The following SLC20A2 variants were observed in gnomAD, a reference collection of about 807,000 sequenced individuals.
SLC20A2 encodes the protein solute carrier family 20 member 2, also known as sodium-dependent phosphate transporter 2.
SLC20A2 carries 30 observed loss-of-function variants against 61.0 expected under a neutral mutation model. The observed-to-expected ratio is 0.49, with a 90% CI of 0.37 to 0.67. SLC20A2 has a LOEUF of 0.67. SLC20A2 is among the 30% of genes least tolerant of loss of function. The pLI, the probability that SLC20A2 is intolerant of heterozygous loss-of-function variation, is 0.00. For synonymous variants in SLC20A2, 351 were observed against 353.3 expected, an observed-to-expected ratio of 0.99 and a Z score of 0.07; for missense variants, 626 against 866.4, an observed-to-expected ratio of 0.72 and a Z score of 3.48.
rs1253260874 is a variant in SLC20A2, at chr8:42,533,654, C to CTTTTTTTCTTT, written c.-265+8166_-265+8167insAAAGAAAAAAA. ...TTAATGGCCTTAATGATCAACTGTTCTTTTTTTTTTTTTTTTTTTTTTGAG... is the reference window on the plus strand; with the variant it reads ...TTAATGGCCTTAATGATCAACTGTTCTTTTTTTCTTTTTTTTTTTTTTTTTTTTTTTTTGAG... On this transcript the variant is annotated intron_variant, in intron 1 of 10. Coordinates refer to the SLC20A2 transcript ENST00000342228. Among the ~76,000 whole-genome samples the CTTTTTTTCTTT allele has an allele frequency of 1.6e-3, 89 of 55,220 alleles. 13 individuals carry two copies. Among genetic ancestry groups the CTTTTTTTCTTT allele is most frequent in the East Asian group, 8.9e-3 (17 of 1,902 alleles). The allele number at this position is 55,220 out of a possible 152,430, so 36.2% of individuals were successfully genotyped here. A position where few individuals can be genotyped will look rare whatever the true frequency, so the allele number is the denominator to read the frequency against.
chr8:42,433,794 T>C (rs146044707), intron 8 of SLC20A2, among the ~76,000 whole-genome samples: 6 of 152,372 alleles, frequency 3.9e-5, no homozygotes, highest in African/African-American at 1.2e-4. Context: ...CTCTTGCCTA[T>C]TGCAAACGGC....
At chr8:42,438,563 A>T (rs1804526325) in intron 7 of SLC20A2, among the ~76,000 whole-genome samples, 1 of 152,202 alleles carries the variant, frequency 6.6e-6, no homozygotes, top group Non-Finnish European at 1.5e-5. Flanking sequence ...TCTCTGGGCC[A>T]CATCTGAGAC....
chr8:42,431,278 CT>C (rs964324736), intron 8 of SLC20A2, among the ~76,000 whole-genome samples: 1 of 152,132 alleles, frequency 6.6e-6, no homozygotes, highest in African/African-American at 2.4e-5. Flanking sequence ...AGCCTTAGTG[CT>C]GATATGGAGA....
intron 1 of SLC20A2, among the ~76,000 whole-genome samples, chr8:42,527,926 A>T (rs145645927): frequency 6.6e-6 from 1 of 152,318 alleles, no homozygotes; most frequent in Non-Finnish European, 1.5e-5. Flanking sequence ...ATGTGTCTAT[A>T]CACCAAAAAG....
In SLC20A2 at chr8:42,439,314, G is replaced by C. The variant is rs570399003; in HGVS notation, c.934+136C>G. ...GTTTCCTGAGGCCTCCCTAGCTTCT[G>C]GGTTTTCTCAAATTATAAAACTGGG... On this transcript the variant is annotated intron_variant, in intron 7 of 10. Transcript: ENST00000520262. The C allele has an allele frequency of 5.1e-6, 4 of 778,850 alleles. No homozygotes were observed. The South Asian group carries it at 5.6e-5, about 11-fold the overall frequency. 48.2% of individuals were successfully genotyped at this position (778,850 alleles called of 1,614,324 possible).
chr8:42,488,935 GTTTTTTTTTTT>G (rs34643152), intron 1 of SLC20A2, among the ~76,000 whole-genome samples: 4 of 83,524 alleles, frequency 4.8e-5, no homozygotes, highest in Admixed American at 1.5e-4. Context: ...TAGGAGTTTT[GTTTTTTTTTTT>G]TTTTTTTTTT....
At chr8:42,436,347 C>T (rs1196442148) in intron 8 of SLC20A2, among the ~76,000 whole-genome samples, 1 of 152,142 alleles carries the variant, frequency 6.6e-6, no homozygotes, top group Non-Finnish European at 1.5e-5. Context: ...CTGGCTGCAT[C>T]CAGGGCCTCC....
intron 1 of SLC20A2, among the ~76,000 whole-genome samples, chr8:42,509,856 C>T (rs1039990280): frequency 1.3e-5 from 2 of 152,132 alleles, no homozygotes; most frequent in African/African-American, 4.8e-5. Context: ...ACTAATACCA[C>T]CTTATGTGAT....
chr8:42,451,887 TGAAGAG>T (rs1275059810), intron 5 of SLC20A2, among the ~76,000 whole-genome samples: 16 of 99,942 alleles, frequency 1.6e-4, no homozygotes, highest in Non-Finnish European at 1.9e-5. Context: ...GAGGAAGAGA[TGAAGAG>T]GAAGAGGAAG....
intron 1 of SLC20A2, among the ~76,000 whole-genome samples, chr8:42,496,717 T>C (rs1157976777): frequency 6.6e-6 from 1 of 152,210 alleles, no homozygotes; most frequent in Non-Finnish European, 1.5e-5. Flanking sequence ...ACACAGATAA[T>C]ACATTCCACT....
Position 42,428,763 on chromosome 8 carries a change from A to C in SLC20A2, c.1789T>G (p.Cys597Gly). The change falls in exon 10 of 11, where the codon TGT becomes GGT. Residue 597 changes from cysteine (C) to glycine (G), a missense_variant. Cys to Gly is a radical substitution (Grantham distance 159). Coordinates refer to ENST00000520262, the MANE Select transcript of SLC20A2 (RefSeq NM_001257180.2). ...NIGLPVSTTH[C>G]KVGSVVAVGW... Reference sequence around the variant, plus strand: ...CCCGGCTAGCAGGGGCCTACCTTACAGTGCGTGGTGCTGACTGGAAGCCCG... The same window carrying C: ...CCCGGCTAGCAGGGGCCTACCTTACCGTGCGTGGTGCTGACTGGAAGCCCG... 1.9e-6 allele frequency: 3 copies of C among 1,611,390 alleles called. No individual in the cohort carries two copies. The highest frequency in any genetic ancestry group is 2.5e-6 in the Non-Finnish European group (3 of 1,178,980).
At chr8:42,495,955 G>T (rs1025662804) in intron 1 of SLC20A2, among the ~76,000 whole-genome samples, 7 of 151,930 alleles carry the variant, frequency 4.6e-5, no homozygotes, top group Admixed American at 2.0e-4. Flanking sequence ...TCACCATGTT[G>T]GTCAGGCTGG....
chr8:42,510,210 C>T (rs975822703), intron 1 of SLC20A2, among the ~76,000 whole-genome samples: 1 of 151,950 alleles, frequency 6.6e-6, no homozygotes, highest in Non-Finnish European at 1.5e-5. Context: ...AAAACAAAAA[C>T]AAAAAAACCC....
Position 42,430,720 on chromosome 8 carries a change from C to T in SLC20A2, c.1524-471G>A, listed in dbSNP as rs190864771. On this transcript the variant is annotated intron_variant, in intron 8 of 10. Coordinates refer to ENST00000520262, the MANE Select transcript of SLC20A2 (RefSeq NM_001257180.2). ...GTGGCACCCCCACACCAAGCAAGTCCGCTGGAGCGACTTTCCAGCAGTATG... is the reference window on the plus strand; with the variant it reads ...GTGGCACCCCCACACCAAGCAAGTCTGCTGGAGCGACTTTCCAGCAGTATG... 1.1e-4 allele frequency among the ~76,000 whole-genome samples: 17 copies of T among 152,226 alleles called. No homozygotes were observed. The East Asian group carries it at 2.3e-3, about 21-fold the overall frequency.
At chr8:42,430,930 G>A (rs1803825673) in intron 8 of SLC20A2, among the ~76,000 whole-genome samples, 1 of 152,172 alleles carries the variant, frequency 6.6e-6, no homozygotes, top group Non-Finnish European at 1.5e-5. Context: ...AATGCTGTGT[G>A]TGTTCTCCCT....
chr8:42,417,940 T>C lies in SLC20A2; in HGVS notation c.1822A>G (p.Ile608Val). Residue 608 changes from isoleucine (I) to valine (V), a missense_variant, in exon 11 of 11, where the codon ATC becomes GTC. Ile to Val is a conservative substitution (Grantham distance 29). Coordinates refer to ENST00000520262, the MANE Select transcript of SLC20A2 (RefSeq NM_001257180.2). Reference protein sequence around the residue: ...KVGSVVAVGWIRSRKAVDWRL... With the variant: ...KVGSVVAVGWVRSRKAVDWRL... ...CAGTCCACAGCCTTGCGGGAGCGGATCCAGCCCACGGCCACCACCGAGCCC... is the reference window on the plus strand; with the variant it reads ...CAGTCCACAGCCTTGCGGGAGCGGACCCAGCCCACGGCCACCACCGAGCCC... 1 of 1,612,754 alleles carries C rather than the reference T, an allele frequency of 6.2e-7. No homozygotes were observed. Among genetic ancestry groups the C allele is most frequent in the Non-Finnish European group, 8.5e-7 (1 of 1,179,586 alleles).
chr8:42,527,167 A>T (rs980624482), intron 1 of SLC20A2, among the ~76,000 whole-genome samples: 5 of 149,960 alleles, frequency 3.3e-5, no homozygotes, highest in African/African-American at 1.2e-4. Context: ...GCACTTTGGG[A>T]GGCGGAGGCG....
Position 42,447,897 on chromosome 8 carries a change from G to A in SLC20A2, c.614-3135C>T, listed in dbSNP as rs574646805. On this transcript the variant is annotated intron_variant, in intron 5 of 10. Coordinates refer to ENST00000520262, the MANE Select transcript of SLC20A2 (RefSeq NM_001257180.2). Reference sequence around the variant, plus strand: ...CAGAAGGCTGACTCAGCTCTGCCACGCGGCTGTACTGACACCAGCAGGCCC... The same window carrying A: ...CAGAAGGCTGACTCAGCTCTGCCACACGGCTGTACTGACACCAGCAGGCCC... Among the ~76,000 whole-genome samples the A allele has an allele frequency of 9.3e-4, 142 of 152,278 alleles. 2 individuals are homozygous for A. Among genetic ancestry groups the A allele is most frequent in the Admixed American group, 2.4e-3 (36 of 15,276 alleles).
chr8:42,488,288 C>T (rs909538127), intron 1 of SLC20A2, among the ~76,000 whole-genome samples: 11 of 150,806 alleles, frequency 7.3e-5, no homozygotes, highest in East Asian at 2.0e-4. Context: ...CGGGTTCGAC[C>T]GATTCTCCTG....
Sources: gnomAD v4.1 joint callset for allele counts (sites outside exome capture counted in the v4.1 genomes callset) on GRCh38, gnomAD v4.1.1 for gene constraint, MANE v1.5 for transcripts, NCBI Gene and HGNC (gene_info 2026-07-23, HGNC 2026-07-21) for gene names.